The following PLD5 variants were observed in gnomAD, a reference collection of about 807,000 sequenced individuals.
PLD5 encodes the protein phospholipase D family member 5.
A neutral mutation model predicts 61.1 loss-of-function variants in PLD5; 36 were observed. The ratio of observed to expected loss-of-function variants is 0.59; its 90% CI spans 0.45 to 0.78. The LOEUF (loss-of-function observed/expected upper bound fraction) is 0.78, where lower values mean the gene tolerates loss of function less well. Ranked by LOEUF, PLD5 falls within the 30% of genes least tolerant of loss-of-function variation. The pLI is 0.00. For missense variants in PLD5, 515 were observed against 644.4 expected (o/e 0.80, Z 2.17); for synonymous variants, 243 against 242.8 (o/e 1.00, Z -0.01).
At chr1:242,204,701 CT>C (rs559817639) in intron 5 of PLD5, among the ~76,000 whole-genome samples, 12 of 152,216 alleles carry the variant, frequency 7.9e-5, no homozygotes, top group Non-Finnish European at 1.6e-4. Flanking sequence ...TTTGGCCCCC[CT>C]AACAATTGCA....
intron 5 of PLD5, among the ~76,000 whole-genome samples, chr1:242,163,893 T>TAAAG (rs923867622): frequency 6.8e-6 from 1 of 147,316 alleles, no homozygotes; most frequent in Non-Finnish European, 1.5e-5. Context: ...TTGGGTCTCC[T>TAAAG]AAAGAGAGAG....
chr1:242,207,493 G>A (rs1008679577), intron 5 of PLD5, among the ~76,000 whole-genome samples: 2 of 151,900 alleles, frequency 1.3e-5, no homozygotes, highest in East Asian at 3.9e-4. Flanking sequence ...CTTTACAACT[G>A]GGATGCTTTG....
intron 3 of PLD5, among the ~76,000 whole-genome samples, chr1:242,279,714 A>G (rs1400766900): frequency 2.0e-5 from 3 of 151,906 alleles, no homozygotes; most frequent in Non-Finnish European, 4.4e-5. Context: ...TTTGTATTTT[A>G]GTAGAAATGG....
At chr1:242,357,115 T>C (rs1660795056) in intron 1 of PLD5, among the ~76,000 whole-genome samples, 1 of 152,140 alleles carries the variant, frequency 6.6e-6, no homozygotes, top group Non-Finnish European at 1.5e-5. Context: ...AGAGACCTAA[T>C]AATGATGAAT....
intron 1 of PLD5, among the ~76,000 whole-genome samples, chr1:242,456,365 C>T (rs539482101): frequency 1.3e-5 from 2 of 152,236 alleles, no homozygotes; most frequent in South Asian, 4.2e-4. Flanking sequence ...CTAGCCACAT[C>T]TCGAATGCTC....
intron 1 of PLD5, among the ~76,000 whole-genome samples, chr1:242,380,838 C>A (rs1662236272): frequency 6.6e-6 from 1 of 152,108 alleles, no homozygotes; most frequent in Admixed American, 6.5e-5. Context: ...CAAATCAAAA[C>A]CACAATGAGA....
At chr1:242,222,035 C>G (rs1432598223) in intron 4 of PLD5, among the ~76,000 whole-genome samples, 2 of 152,094 alleles carry the variant, frequency 1.3e-5, no homozygotes. Flanking sequence ...CCTTCCTTGC[C>G]TCTTCTGGTG....
chr1:242,485,483 C>T (rs556116620), intron 1 of PLD5, among the ~76,000 whole-genome samples: 5 of 152,208 alleles, frequency 3.3e-5, no homozygotes, highest in Admixed American at 1.3e-4. Context: ...AAGAGAATAA[C>T]ATACCTAGGA....
chr1:242,487,085 T>A (rs1389464234), intron 1 of PLD5, among the ~76,000 whole-genome samples: 1 of 151,772 alleles, frequency 6.6e-6, no homozygotes, highest in Admixed American at 6.6e-5. Context: ...GGGGGAGGGA[T>A]AGCATTAGGA....
At chr1:242,220,707 ATATTT>A (rs71570944) in intron 4 of PLD5, among the ~76,000 whole-genome samples, 1,766 of 108,330 alleles carry the variant, frequency 0.016, 32 homozygotes, top group African/African-American at 0.042. Context: ...TTTTTAATTT[ATATTT>A]TATTTTATTT....
At chr1:242,449,436 G>A (rs946028687) in intron 1 of PLD5, 4 of 1,535,772 alleles carry the variant, frequency 2.6e-6, no homozygotes, top group Non-Finnish European at 3.5e-6. Context: ...ACAGCCTCTG[G>A]AGCCTTCAGA....
intron 1 of PLD5, among the ~76,000 whole-genome samples, chr1:242,374,296 G>A (rs563183589): frequency 6.6e-6 from 1 of 152,276 alleles, no homozygotes; most frequent in Non-Finnish European, 1.5e-5. Flanking sequence ...AAAACGGTAG[G>A]CATGGTTTAC....
At chr1:242,493,503 C>A (rs560638846) in intron 1 of PLD5, among the ~76,000 whole-genome samples, 1 of 152,304 alleles carries the variant, frequency 6.6e-6, no homozygotes, top group South Asian at 2.1e-4. Flanking sequence ...AAATGAGACA[C>A]CTTTGGCAGG....
intron 2 of PLD5, among the ~76,000 whole-genome samples, chr1:242,316,926 C>A (rs181468760): frequency 6.6e-6 from 1 of 152,090 alleles, no homozygotes; most frequent in East Asian, 1.9e-4. Context: ...CCCTCTATGA[C>A]CCTGTAAAAG....
intron 5 of PLD5, among the ~76,000 whole-genome samples, chr1:242,144,570 CAG>C (rs994331943): frequency 1.9e-4 from 29 of 152,126 alleles, no homozygotes; most frequent in African/African-American, 6.3e-4. Context: ...CACTTGAGGT[CAG>C]GGGTTTGAGA....
At chr1:242,317,688 T>C (rs1658106730) in intron 2 of PLD5, among the ~76,000 whole-genome samples, 1 of 150,888 alleles carries the variant, frequency 6.6e-6, no homozygotes, top group Non-Finnish European at 1.5e-5. Context: ...GGTCAGAAGG[T>C]AGTTAAAAAA....
intron 2 of PLD5, among the ~76,000 whole-genome samples, chr1:242,347,530 T>G (rs2149219157): frequency 6.6e-6 from 1 of 152,304 alleles, no homozygotes; most frequent in African/African-American, 2.4e-5. Context: ...TCTCTGCCAG[T>G]CAGCAAGGCC....
Position 242,445,599 on chromosome 1 carries a change from C to T in PLD5, c.189+78489G>A, listed in dbSNP as rs1666495224. ...TCAGGCCATCCACCCGCCTCGGCCT[C>T]CCAAAGTGCTGAGATTACAGGCATG... On this transcript the variant is annotated intron_variant, in intron 1 of 9. Coordinates refer to ENST00000536534, the MANE Select transcript of PLD5 (RefSeq NM_001372062.1). Among the ~76,000 whole-genome samples, 3 of 152,220 alleles carry T rather than the reference C, an allele frequency of 2.0e-5. 1 individual carries two copies. The South Asian group carries it at 6.2e-4, about 32-fold the overall frequency.
rs114681622 is a variant in PLD5 at position 242,196,321 on chromosome 1, G to A, written c.735+23667C>T. Among the ~76,000 whole-genome samples the A allele has an allele frequency of 5.8e-3, 884 of 152,238 alleles. 8 individuals carry two copies. The highest frequency in any genetic ancestry group is 0.02 in the African/African-American group (843 of 41,552). On this transcript the variant is annotated intron_variant, in intron 5 of 9. Coordinates refer to ENST00000536534, the MANE Select transcript of PLD5 (RefSeq NM_001372062.1). Reference sequence around the variant, plus strand: ...CGCTGTCGGTACATTATGGTGGGTCGGGAGTAGTGCCCTGTGGGGAAGGTG... The same window carrying A: ...CGCTGTCGGTACATTATGGTGGGTCAGGAGTAGTGCCCTGTGGGGAAGGTG...
Sources: allele counts gnomAD v4.1 joint callset (sites outside exome capture counted in the v4.1 genomes callset), GRCh38; gene constraint gnomAD v4.1.1; transcripts MANE v1.5; gene names NCBI Gene and HGNC (gene_info 2026-07-23, HGNC 2026-07-21).